The following TMEM132D variants were observed in gnomAD, a reference collection of about 807,000 sequenced individuals.
The protein encoded by TMEM132D is transmembrane protein 132D.
TMEM132D carries 21 observed loss-of-function variants against 62.3 expected under a neutral mutation model. The ratio of observed to expected loss-of-function variants is 0.34; its 90% CI spans 0.24 to 0.49. The LOEUF (loss-of-function observed/expected upper bound fraction) is 0.49, where lower values mean the gene tolerates loss of function less well. Among genes scored for constraint, TMEM132D ranks in the 20% least tolerant of loss-of-function variants. TMEM132D has a pLI of 0.99. For missense variants in TMEM132D, 1,346 were observed against 1,402.8 expected, an observed-to-expected ratio of 0.96 and a Z score of 0.65; for synonymous variants, 621 against 575.6, an observed-to-expected ratio of 1.08 and a Z score of -1.13.
intron 1 of TMEM132D, among the ~76,000 whole-genome samples, chr12:129,895,067 C>G (rs1437507894): frequency 6.6e-6 from 1 of 152,130 alleles, no homozygotes; most frequent in Non-Finnish European, 1.5e-5. Context: ...AAATGTTCAC[C>G]TGGGCAGGGC....
chr12:129,288,790 T>G (rs1158953310), intron 4 of TMEM132D, among the ~76,000 whole-genome samples: 1 of 152,238 alleles, frequency 6.6e-6, no homozygotes, highest in Non-Finnish European at 1.5e-5. Flanking sequence ...CCCTGTTTGC[T>G]GTAGAATGTT....
chr12:129,227,235 A>C (rs1183898063), intron 4 of TMEM132D, among the ~76,000 whole-genome samples: 1 of 139,028 alleles, frequency 7.2e-6, no homozygotes, highest in African/African-American at 2.5e-5. Context: ...AGAAGATGCC[A>C]AGTGATAATA....
chr12:129,801,086 G>T (rs1210606894), intron 1 of TMEM132D, among the ~76,000 whole-genome samples: 1 of 152,164 alleles, frequency 6.6e-6, no homozygotes, highest in African/African-American at 2.4e-5. Context: ...TCTCCCTGAT[G>T]GCTAGCACAG....
At chr12:129,413,020 A>G (rs1872016153) in intron 3 of TMEM132D, among the ~76,000 whole-genome samples, 1 of 152,214 alleles carries the variant, frequency 6.6e-6, no homozygotes, top group African/African-American at 2.4e-5. Flanking sequence ...GATAGACCAC[A>G]GTAGTCCAGT....
rs749019418 is a variant in TMEM132D, at chr12:129,700,257, C to G, written c.521G>C (p.Arg174Pro). ...GCTGCCCCGCACCTCTCGGGTCTCT[C>G]GGAAAGCAAAGACCCTCAGGCACGG... ...KLPCLRVFAF[R>P]ETREVRGSCR... The change falls in exon 2 of 9, where the codon CGA becomes CCA. Residue 174 changes from arginine to proline, a missense_variant. Transcript: ENST00000422113. 1 of 1,613,320 alleles carries G rather than the reference C, an allele frequency of 6.2e-7. No homozygotes were observed. The highest frequency in any genetic ancestry group is 8.5e-7 in the Non-Finnish European group (1 of 1,179,970).
intron 5 of TMEM132D, among the ~76,000 whole-genome samples, chr12:129,188,507 G>A (rs1878281165): frequency 1.3e-5 from 2 of 152,176 alleles, no homozygotes; most frequent in South Asian, 4.1e-4. Context: ...GATACACATG[G>A]GCAATATGGC....
At chr12:129,727,248 G>A (rs1438656649) in intron 1 of TMEM132D, among the ~76,000 whole-genome samples, 1 of 152,206 alleles carries the variant, frequency 6.6e-6, no homozygotes, top group Admixed American at 6.5e-5. Flanking sequence ...TGGTTCCGGA[G>A]GTTGGGAAGT....
chr12:129,610,127 TG>T (rs754065991), intron 2 of TMEM132D, among the ~76,000 whole-genome samples: 5 of 151,954 alleles, frequency 3.3e-5, no homozygotes, highest in Non-Finnish European at 7.4e-5. Context: ...AAAACTTAGC[TG>T]GGTGTGGTGG....
At chr12:129,452,524 C>T (rs1178675935) in intron 3 of TMEM132D, among the ~76,000 whole-genome samples, 3 of 152,184 alleles carry the variant, frequency 2.0e-5, no homozygotes, top group African/African-American at 7.2e-5. Flanking sequence ...AAGTCTACAA[C>T]TGAGGGTCCC....
At chr12:129,496,179 G>A (rs980200590) in intron 3 of TMEM132D, among the ~76,000 whole-genome samples, 7 of 152,132 alleles carry the variant, frequency 4.6e-5, no homozygotes, top group African/African-American at 9.7e-5. Flanking sequence ...GTGAATACTC[G>A]CACAAGTTTT....
chr12:129,284,555 A>G (rs574082425), intron 4 of TMEM132D, among the ~76,000 whole-genome samples: 1 of 152,364 alleles, frequency 6.6e-6, no homozygotes, highest in African/African-American at 2.4e-5. Context: ...CCACAATTCC[A>G]TGACAAGGTA....
intron 5 of TMEM132D, chr12:129,111,516 G>C (rs571531821): frequency 6.6e-6 from 1 of 152,326 alleles, no homozygotes; most frequent in East Asian, 1.9e-4. Flanking sequence ...ACTGATCACT[G>C]TGAGTGTCTG....
chr12:129,222,147 T>A (rs991536963), intron 4 of TMEM132D, among the ~76,000 whole-genome samples: 1 of 152,192 alleles, frequency 6.6e-6, no homozygotes, highest in Non-Finnish European at 1.5e-5. Context: ...TTCTTCTACC[T>A]TTGGGGAGGC....
chr12:129,704,459 G>A (rs146423118), intron 1 of TMEM132D, among the ~76,000 whole-genome samples: 58 of 152,354 alleles, frequency 3.8e-4, no homozygotes, highest in African/African-American at 1.1e-3. Flanking sequence ...ACATCAAGGC[G>A]TCTTGCTGAT....
chr12:129,641,138 C>T lies in TMEM132D; in HGVS notation c.968+58672G>A, dbSNP rs139879195. Among the ~76,000 whole-genome samples the T allele has an allele frequency of 2.5e-3, 379 of 152,240 alleles. 3 individuals carry two copies. Among genetic ancestry groups the T allele is most frequent in the African/African-American group, 8.7e-3 (362 of 41,518 alleles). On this transcript the variant is annotated intron_variant, in intron 2 of 8. Coordinates refer to ENST00000422113, the MANE Select transcript of TMEM132D (RefSeq NM_133448.3). ...TGAAATAATCCTGAAATCATCCTCCCCACCCTGCCCCGGTCCATGGAAAAA... is the reference window on the plus strand; with the variant it reads ...TGAAATAATCCTGAAATCATCCTCCTCACCCTGCCCCGGTCCATGGAAAAA...
intron 5 of TMEM132D, among the ~76,000 whole-genome samples, chr12:129,102,247 ACT>A (rs1159093216): frequency 6.6e-6 from 1 of 152,064 alleles, no homozygotes; most frequent in Non-Finnish European, 1.5e-5. Context: ...GCAGAGACTC[ACT>A]CTTCTCTTTC....
chr12:129,440,934 G>A (rs1232900392), intron 3 of TMEM132D, among the ~76,000 whole-genome samples: 1 of 152,158 alleles, frequency 6.6e-6, no homozygotes, highest in African/African-American at 2.4e-5. Flanking sequence ...TGCTCATGTG[G>A]GTTTTTAGAT....
At chr12:129,508,987 C>A (rs1324938031) in intron 3 of TMEM132D, among the ~76,000 whole-genome samples, 1 of 152,074 alleles carries the variant, frequency 6.6e-6, no homozygotes, top group Non-Finnish European at 1.5e-5. Context: ...TGTGGGTGAA[C>A]TAAAATGTAT....
intron 5 of TMEM132D, among the ~76,000 whole-genome samples, chr12:129,132,184 C>A (rs141153969): frequency 0.011 from 1,657 of 151,790 alleles, 31 homozygotes; most frequent in African/African-American, 0.038. Context: ...TTGCAGTAAC[C>A]TGTTTGTTCA....
Sources: gnomAD v4.1 joint callset for allele counts (sites outside exome capture counted in the v4.1 genomes callset) on GRCh38, gnomAD v4.1.1 for gene constraint, MANE v1.5 for transcripts, NCBI Gene and HGNC (gene_info 2026-07-23, HGNC 2026-07-21) for gene names.